Variants in TRAK1 observed in about 807,000 individuals in gnomAD.
The protein encoded by TRAK1 is trafficking kinesin protein 1, also known as trafficking kinesin-binding protein 1.
A neutral mutation model predicts 92.1 loss-of-function variants in TRAK1; 33 were observed. That is an observed-to-expected ratio of 0.36 (90% CI 0.27 to 0.48). The LOEUF (loss-of-function observed/expected upper bound fraction) is 0.48, where lower values mean the gene tolerates loss of function less well. TRAK1 is among the 20% of genes least tolerant of loss of function. The pLI is 0.99. For synonymous variants in TRAK1, 521 were observed against 517.3 expected, an observed-to-expected ratio of 1.01 and a Z score of -0.10; for missense variants, 1,123 against 1,257.9, an observed-to-expected ratio of 0.89 and a Z score of 1.62.
chr3:42,138,907 G>GTGTGTGTA (rs1698316272), intron 2 of TRAK1, among the ~76,000 whole-genome samples: 3 of 150,620 alleles, frequency 2.0e-5, no homozygotes, highest in Non-Finnish European at 4.4e-5. Context: ...GTGTGTGTGT[G>GTGTGTGTA]TGTGTGTGTG....
intron 1 of TRAK1, among the ~76,000 whole-genome samples, chr3:42,027,380 A>G (rs1353910747): frequency 2.0e-5 from 3 of 152,058 alleles, no homozygotes; most frequent in Admixed American, 6.6e-5. Context: ...AAAATTAGCC[A>G]GGTGTGGTGG....
chr3:42,205,009 T>G (rs570457900), intron 13 of TRAK1, among the ~76,000 whole-genome samples: 1 of 152,230 alleles, frequency 6.6e-6, no homozygotes, highest in Non-Finnish European at 1.5e-5. Context: ...CTAGGTTCAG[T>G]ACAGCTCTGA....
chr3:42,180,943 T>C (rs1024543537), intron 3 of TRAK1, among the ~76,000 whole-genome samples: 1 of 152,200 alleles, frequency 6.6e-6, no homozygotes, highest in Non-Finnish European at 1.5e-5. Context: ...TTAAAATTAC[T>C]CTAAAGATTA....
chr3:42,091,876 C>A (rs1705122972), intron 1 of TRAK1, among the ~76,000 whole-genome samples: 1 of 152,126 alleles, frequency 6.6e-6, no homozygotes, highest in Non-Finnish European at 1.5e-5. Flanking sequence ...CCCTGCACTG[C>A]CACTCCCTTT....
At chr3:42,016,234 T>C (rs1701520608) in intron 1 of TRAK1, among the ~76,000 whole-genome samples, 1 of 151,940 alleles carries the variant, frequency 6.6e-6, no homozygotes, top group Admixed American at 6.6e-5. Context: ...AGTCAGAGTG[T>C]CGCTCTGTCA....
intron 2 of TRAK1, among the ~76,000 whole-genome samples, chr3:42,160,006 G>T (rs1258371421): frequency 6.6e-6 from 1 of 152,232 alleles, no homozygotes; most frequent in Non-Finnish European, 1.5e-5. Flanking sequence ...GAAAGGTGGA[G>T]AGGGTCTAGG....
chr3:42,109,548 A>G (rs965043313), intron 1 of TRAK1, among the ~76,000 whole-genome samples: 2 of 152,246 alleles, frequency 1.3e-5, no homozygotes, highest in Non-Finnish European at 2.9e-5. Flanking sequence ...GGCTAGAACT[A>G]TAAGGAAAAT....
intron 2 of TRAK1, among the ~76,000 whole-genome samples, chr3:42,142,185 T>G (rs1698753757): frequency 2.0e-5 from 3 of 152,060 alleles, no homozygotes; most frequent in Admixed American, 2.0e-4. Flanking sequence ...TGCAAAGACC[T>G]TTTTTCCACC....
rs780113075 is a variant in TRAK1, at chr3:42,202,488, G to A, written c.1480G>A (p.Asp494Asn). ...PGTPGTPGSH[D>N]LETALRRLSL... ...GACGCCGGGCACCCCAGGCTCCCACGACCTGGAGACGGCGCTGAGGCGGCT... is the reference window on the plus strand; with the variant it reads ...GACGCCGGGCACCCCAGGCTCCCACAACCTGGAGACGGCGCTGAGGCGGCT... The change falls in exon 13 of 16, where the codon GAC (aspartate) becomes AAC (asparagine). Residue 494 changes from aspartate (D) to asparagine (N), a missense_variant. This residue lies in a region of TRAK1 where 686 missense variants were observed against 747.6 expected (regional missense o/e 0.92). Coordinates refer to ENST00000327628, the MANE Select transcript of TRAK1 (RefSeq NM_001042646.3). This position sits in a 1 kb window ranked among gnomAD's most constrained non-coding sequence, Gnocchi z 6.1. 2.7e-6 allele frequency: 4 copies of A among 1,501,694 alleles called. No homozygotes were observed. Among genetic ancestry groups the A allele is most frequent in the Non-Finnish European group, 3.6e-6 (4 of 1,121,992 alleles). The allele number at this position is 1,501,694 out of a possible 1,614,324, so 93.0% of individuals were successfully genotyped here.
intron 2 of TRAK1, among the ~76,000 whole-genome samples, chr3:42,168,409 C>G (rs1702143362): frequency 6.6e-6 from 1 of 152,194 alleles, no homozygotes; most frequent in South Asian, 2.1e-4. Context: ...TATTTGGTAA[C>G]TTAAATATCA....
At chr3:42,057,334 T>C (rs1010692307) in intron 1 of TRAK1, among the ~76,000 whole-genome samples, 1 of 152,170 alleles carries the variant, frequency 6.6e-6, no homozygotes, top group Non-Finnish European at 1.5e-5. Flanking sequence ...GCTTCTTGAA[T>C]GAAGGAAGAA....
rs766870772 is a variant in TRAK1, at chr3:42,202,923, T to C, written c.1744+171T>C. On this transcript the variant is annotated intron_variant, in intron 13 of 15. Transcript: ENST00000327628. The surrounding 1 kb of genome is among the most constrained non-coding windows in gnomAD (Gnocchi z 6.1). ...CTGAGGGTGGTGCTCAGCCTAGGCCTCCGTCCCTCCCCTCTGGCTGGCAGG... is the reference window on the plus strand; with the variant it reads ...CTGAGGGTGGTGCTCAGCCTAGGCCCCCGTCCCTCCCCTCTGGCTGGCAGG... The C allele has an allele frequency of 4.7e-5, 66 of 1,409,986 alleles. No homozygotes were observed. The highest frequency in any genetic ancestry group is 5.5e-5 in the Non-Finnish European group (60 of 1,081,634). 87.3% of individuals were successfully genotyped at this position (1,409,986 alleles called of 1,614,324 possible).
At chr3:42,167,353 A>T (rs1186612800) in intron 2 of TRAK1, among the ~76,000 whole-genome samples, 1 of 152,254 alleles carries the variant, frequency 6.6e-6, no homozygotes, top group East Asian at 1.9e-4. Flanking sequence ...TAAACAGCCC[A>T]GGTGGGAAGG....
chr3:42,105,969 T>C (rs1707488730), intron 1 of TRAK1, among the ~76,000 whole-genome samples: 1 of 152,148 alleles, frequency 6.6e-6, no homozygotes, highest in African/African-American at 2.4e-5. Context: ...AAACAAATGC[T>C]GAGAGATTTT....
At chr3:42,181,854 G>A (rs1403805049) in intron 3 of TRAK1, among the ~76,000 whole-genome samples, 3 of 151,940 alleles carry the variant, frequency 2.0e-5, no homozygotes, top group Non-Finnish European at 2.9e-5. Flanking sequence ...CTTTAATTCT[G>A]TGCAGTCTCC....
intron 1 of TRAK1, among the ~76,000 whole-genome samples, chr3:42,028,840 A>AC (rs1172448243): frequency 6.6e-6 from 1 of 152,186 alleles, no homozygotes; most frequent in African/African-American, 2.4e-5. Flanking sequence ...CAGGGGAGTG[A>AC]CAAGAATTGA....
At chr3:42,169,743 C>A (rs1471247366) in intron 2 of TRAK1, among the ~76,000 whole-genome samples, 2 of 151,904 alleles carry the variant, frequency 1.3e-5, no homozygotes, top group Non-Finnish European at 2.9e-5. Flanking sequence ...GATAAGTGGG[C>A]ATTGCTGCTG....
intron 11 of TRAK1, among the ~76,000 whole-genome samples, chr3:42,200,289 AT>A (rs1707343661): frequency 1.3e-5 from 2 of 152,364 alleles, no homozygotes; most frequent in Admixed American, 1.3e-4. Context: ...TGCTCCTAAA[AT>A]AACACTTTCC....
chr3:42,121,266 T>C (rs1462407595), intron 1 of TRAK1, among the ~76,000 whole-genome samples: 1 of 151,274 alleles, frequency 6.6e-6, no homozygotes, highest in Non-Finnish European at 1.5e-5. Flanking sequence ...ATTCTTTTTT[T>C]TTTTTTTTTT....
Sources: allele counts gnomAD v4.1 joint callset (sites outside exome capture counted in the v4.1 genomes callset), GRCh38; gene constraint gnomAD v4.1.1; regional missense constraint gnomAD v4.1.1; non-coding constraint Gnocchi (gnomAD v3.1); transcripts MANE v1.5; gene names NCBI Gene and HGNC (gene_info 2026-07-23, HGNC 2026-07-21).